The following PKD1 variants were observed in gnomAD, a reference collection of about 807,000 sequenced individuals.
The protein encoded by PKD1 is polycystin-1.
In PKD1, 81 loss-of-function variants were observed where a neutral mutation model predicts 361.7. That is an observed-to-expected ratio of 0.22 (90% CI 0.19 to 0.27). The LOEUF (loss-of-function observed/expected upper bound fraction) is 0.27, where lower values mean the gene tolerates loss of function less well. Among genes scored for constraint, PKD1 ranks in the 10% least tolerant of loss-of-function variants. The probability of loss-of-function intolerance (pLI) is 1.00; values close to 1 mark genes in which losing one functional copy is unlikely to be tolerated. For synonymous variants in PKD1, 3,615 were observed against 2,818.3 expected (o/e 1.28, Z -8.95); for missense variants, 6,399 against 6,118.3 (o/e 1.05, Z -1.53).
Position 2,088,780 on chromosome 16 carries a change from A to C in PKD1, c.*947T>G. The C allele has an allele frequency of 1.1e-6, 1 of 914,798 alleles. No homozygotes were observed. The highest frequency in any genetic ancestry group is 1.6e-6 in the Non-Finnish European group (1 of 619,104). The allele number at this position is 914,798 out of a possible 1,614,324, so 56.7% of individuals were successfully genotyped here. A position where few individuals can be genotyped will look rare whatever the true frequency, so the allele number is the denominator to read the frequency against. On this transcript the variant is annotated 3_prime_UTR_variant, in exon 46 of 46. Transcript: ENST00000262304. Reference sequence around the variant, plus strand: ...GTTGGGGGGGTGTCGAGGCTCTAGAAGCGGCCATGCCCACAGAAGTGGTAC... The same window carrying C: ...GTTGGGGGGGTGTCGAGGCTCTAGACGCGGCCATGCCCACAGAAGTGGTAC...
intron 11 of PKD1, 38 bp downstream of exon 11, chr16:2,114,132 T>A (rs1462267394): frequency 6.3e-7 from 1 of 1,576,880 alleles, no homozygotes; most frequent in Non-Finnish European, 8.6e-7. Context: ...TGCAGGCACC[T>A]GCCTGGGGGC....
rs2091498402 is a variant in PKD1, at chr16:2,091,118, G to A, written c.11769C>T (p.His3923=). The change falls in exon 43 of 46, where the codon CAC becomes CAT. Residue 3923 remains histidine, a synonymous_variant. Coordinates refer to ENST00000262304, the MANE Select transcript of PKD1 (RefSeq NM_001009944.3). The part of the protein sequence containing the change: ...HFAVAEARTW[H]REGRWRVLRL... ...GCAGCACGCGCCAGCGCCCTTCCCT[G>A]TGCCAAGTACGGGCCTCGGCCACGG... is the stretch of plus-strand genomic sequence containing the variant. The A allele has an allele frequency of 6.7e-7, 1 of 1,492,588 alleles. No homozygotes were observed. Among genetic ancestry groups the A allele is most frequent in the Non-Finnish European group, 8.9e-7 (1 of 1,127,696 alleles). The allele number at this position is 1,492,588 out of a possible 1,614,324, so 92.5% of individuals were successfully genotyped here. A position where few individuals can be genotyped will look rare whatever the true frequency, so the allele number is the denominator to read the frequency against.
At chr16:2,097,089 G>T in intron 34 of PKD1, 59 bp downstream of exon 34, 1 of 1,240,090 alleles carries the variant, frequency 8.1e-7, no homozygotes, top group Non-Finnish European at 1.1e-6. Flanking sequence ...ACGGCTGCCT[G>T]GCCTGAGTCC....
chr16:2,096,190 C>T (rs2091838061), intron 34 of PKD1, among the ~76,000 whole-genome samples: 1 of 152,260 alleles, frequency 6.6e-6, no homozygotes, highest in Admixed American at 6.5e-5. Flanking sequence ...GCAAATGTCA[C>T]AGGGCGTAGT....
rs1453177616 is a variant in PKD1 at position 2,109,451 on chromosome 16, G to A, written c.5716C>T (p.His1906Tyr). Reference sequence around the variant, plus strand: ...CCGGCAGCCAGCAGGATCTGAAAATGGACCAGCTGCCCGGGCGCCACCACC... The same window carrying A: ...CCGGCAGCCAGCAGGATCTGAAAATAGACCAGCTGCCCGGGCGCCACCACC... ...SKVVAPGQLV[H>Y]FQILLAAGSA... is the part of the protein sequence containing the mutation. Residue 1906 changes from histidine to tyrosine, a missense_variant, in exon 15 of 46, where the codon CAT becomes TAT. Physicochemically the swap from His to Tyr is moderately conservative, Grantham distance 83. Transcript: ENST00000262304. The A allele has an allele frequency of 3.7e-6, 6 of 1,607,020 alleles. No individual in the cohort carries two copies. Among genetic ancestry groups the A allele is most frequent in the African/African-American group, 1.3e-5 (1 of 74,988 alleles).
intron 39 of PKD1, 139 bp downstream of exon 39, chr16:2,092,341 A>G (rs930583872): frequency 1.0e-6 from 1 of 997,208 alleles, no homozygotes; most frequent in East Asian, 2.6e-5. Context: ...CATCTCTCAT[A>G]TACAGAGAAG....
chr16:2,096,216 AC>A (rs2091839511), intron 34 of PKD1, among the ~76,000 whole-genome samples: 1 of 152,256 alleles, frequency 6.6e-6, no homozygotes, highest in Admixed American at 6.5e-5. Context: ...AAACCCAGAC[AC>A]CGCAGCCCCT....
chr16:2,112,991 G>A (rs1567207338), intron 12 of PKD1, 28 bp from the exon 13 acceptor site: 1 of 1,589,232 alleles, frequency 6.3e-7, no homozygotes, highest in Non-Finnish European at 8.5e-7. Context: ...AGTGAGCCCA[G>A]GTGGCAGGTG....
At chr16:2,121,327 T>A (rs559359524) in intron 1 of PKD1, among the ~76,000 whole-genome samples, 7 of 150,476 alleles carry the variant, frequency 4.7e-5, no homozygotes, top group African/African-American at 1.7e-4. Context: ...ATCGCACCCC[T>A]GCACTCCAGC....
intron 16 of PKD1, 186 bp downstream of exon 16, chr16:2,107,697 C>T (rs1428524458): frequency 3.5e-5 from 23 of 663,218 alleles, no homozygotes; most frequent in East Asian, 1.4e-4. Flanking sequence ...GAAGACTGTA[C>T]GTGGAACTGT....
Position 2,100,090 on chromosome 16 carries a change from C to A in PKD1, c.9713-19G>T. The A allele has an allele frequency of 1.2e-6, 2 of 1,604,004 alleles. No individual in the cohort carries two copies. The highest frequency in any genetic ancestry group is 1.1e-5 in the South Asian group (1 of 90,358). ...GCGTCGCCTAGAAGGCAGGGAGGGC[C>A]GCACTGCAGGAGGCCACGGGGCAGG... On this transcript the variant is annotated intron_variant, in intron 28 of 45. Transcript: ENST00000262304. This position sits in a 1 kb window ranked among gnomAD's most constrained non-coding sequence, Gnocchi z 4.4.
At chr16:2,102,348 T>C (rs568775213) in intron 25 of PKD1, 33 bp downstream of exon 25, 4 of 1,549,132 alleles carry the variant, frequency 2.6e-6, no homozygotes, top group East Asian at 4.9e-5. Context: ...TCCTCGACTC[T>C]GCAGAGGCTC....
chr16:2,107,205 G>A (rs891267104), intron 16 of PKD1: 7 of 548,356 alleles, frequency 1.3e-5, no homozygotes, highest in Non-Finnish European at 2.0e-5. Flanking sequence ...GCAGGAGGCA[G>A]GCAATGCTCA....
intron 39 of PKD1, 33 bp from the exon 40 acceptor site, chr16:2,092,221 G>T (rs750279039): frequency 6.4e-7 from 1 of 1,555,860 alleles, no homozygotes; most frequent in South Asian, 1.2e-5. Flanking sequence ...CCGGGGCCAG[G>T]GCCTCATCAA....
intron 37 of PKD1, 141 bp downstream of exon 37, chr16:2,093,403 C>A: frequency 1.2e-6 from 1 of 848,676 alleles, no homozygotes; most frequent in Non-Finnish European, 1.8e-6. Flanking sequence ...AGGAGGGAGA[C>A]CGGGCAAAGG....
chr16:2,092,217 C>G (rs1195447263), intron 39 of PKD1, 29 bp from the exon 40 acceptor site: 2 of 1,560,404 alleles, frequency 1.3e-6, no homozygotes, highest in Admixed American at 3.8e-5. Flanking sequence ...CAGGCCGGGG[C>G]CAGGGCCTCA....
rs548192824 is a variant in PKD1, at chr16:2,107,495, C to G, written c.7065+388G>C. 2.9e-5 allele frequency: 11 copies of G among 379,142 alleles called. No homozygotes were observed. The East Asian group carries it at 7.0e-4, about 24-fold the overall frequency. The allele number at this position is 379,142 out of a possible 1,614,324, so 23.5% of individuals were successfully genotyped here. ...CTGACAGCAGCAGGAGCAGCCACCACGGGCTCAGGGTCACCAAGCCTCCTG... is the reference window on the plus strand; with the variant it reads ...CTGACAGCAGCAGGAGCAGCCACCAGGGGCTCAGGGTCACCAAGCCTCCTG... On this transcript the variant is annotated intron_variant, in intron 16 of 45. Transcript: ENST00000262304.
chr16:2,101,252 C>T lies in PKD1; in HGVS notation c.9398-686G>A, dbSNP rs1274478637. Reference sequence around the variant, plus strand: ...TGCCTGCCTGGCCTCCCAAAGTGCTCGGATTACAGGTGTGAGCCACCGCGC... The same window carrying T: ...TGCCTGCCTGGCCTCCCAAAGTGCTTGGATTACAGGTGTGAGCCACCGCGC... On this transcript the variant is annotated intron_variant, in intron 26 of 45. Coordinates refer to ENST00000262304, the MANE Select transcript of PKD1 (RefSeq NM_001009944.3). Among the ~76,000 whole-genome samples the T allele has an allele frequency of 2.6e-5, 4 of 151,962 alleles. No homozygotes were observed. In the East Asian group the frequency reaches 5.8e-4, roughly 22 times the overall value.
rs567844132 is a variant in PKD1 at position 2,090,156 on chromosome 16, C to T, written c.12483G>A (p.Leu4161=). 1.5e-5 allele frequency: 24 copies of T among 1,595,998 alleles called. No homozygotes were observed. Among genetic ancestry groups the T allele is most frequent in the Non-Finnish European group, 2.0e-5 (23 of 1,170,888 alleles). ...TGGAGCCCCTGGAGGAGCGAGAGGGCAGCGGCTCCATCCCTTCAAAGCGGA... is the reference window on the plus strand; with the variant it reads ...TGGAGCCCCTGGAGGAGCGAGAGGGTAGCGGCTCCATCCCTTCAAAGCGGA... ...HKVRFEGMEP[L]PSRSSRGSKV... The change falls in exon 46 of 46, where the codon CTG becomes CTA. Residue 4161 remains leucine (L), a synonymous_variant. Transcript: ENST00000262304.
Sources: allele counts gnomAD v4.1 joint callset (sites outside exome capture counted in the v4.1 genomes callset), GRCh38; gene constraint gnomAD v4.1.1; non-coding constraint Gnocchi (gnomAD v3.1); transcripts MANE v1.5; gene names NCBI Gene and HGNC (gene_info 2026-07-23, HGNC 2026-07-21).